SLC38A1: variants seen among roughly 807,000 people sequenced by gnomAD.
The protein encoded by SLC38A1 is solute carrier family 38 member 1, also known as sodium-coupled neutral amino acid symporter 1.
In SLC38A1, 18 loss-of-function variants were observed where a neutral mutation model predicts 60.3. That is an observed-to-expected ratio of 0.30 (90% CI 0.21 to 0.44). The LOEUF (loss-of-function observed/expected upper bound fraction) is 0.44, where lower values mean the gene tolerates loss of function less well. SLC38A1 is among the 20% of genes least tolerant of loss of function. The probability of loss-of-function intolerance (pLI) is 1.00; values close to 1 mark genes in which losing one functional copy is unlikely to be tolerated. For missense variants in SLC38A1, 448 were observed against 587.2 expected, an observed-to-expected ratio of 0.76 and a Z score of 2.45; for synonymous variants, 196 against 212.1, an observed-to-expected ratio of 0.92 and a Z score of 0.66.
chr12:46,252,547 A>T (rs1941886769), intron 1 of SLC38A1, among the ~76,000 whole-genome samples: 1 of 151,834 alleles, frequency 6.6e-6, no homozygotes, highest in African/African-American at 2.4e-5. Context: ...ATGCTAATTA[A>T]TTTATTTAAA....
chr12:46,226,602 A>G (rs1326337125), intron 5 of SLC38A1, among the ~76,000 whole-genome samples: 2 of 144,806 alleles, frequency 1.4e-5, no homozygotes, highest in African/African-American at 5.0e-5. Context: ...TCCCAAACTG[A>G]AGGTCATGGA....
intron 5 of SLC38A1, among the ~76,000 whole-genome samples, chr12:46,222,793 C>CAA (rs1272781281): frequency 1.3e-5 from 2 of 152,132 alleles, no homozygotes; most frequent in Non-Finnish European, 2.9e-5. Context: ...ACCCACATGA[C>CAA]AAATATGAAG....
chr12:46,244,349 C>CAAA (rs1483315107), intron 1 of SLC38A1, among the ~76,000 whole-genome samples: 1 of 152,222 alleles, frequency 6.6e-6, no homozygotes, highest in East Asian at 1.9e-4. Flanking sequence ...ATTGCTAACA[C>CAAA]TTTGTGGTGG....
intron 5 of SLC38A1, among the ~76,000 whole-genome samples, chr12:46,224,101 G>T (rs1006753909): frequency 3.3e-5 from 5 of 152,134 alleles, no homozygotes; most frequent in Admixed American, 6.5e-5. Context: ...AGATAAAGAG[G>T]AAGTTATGGT....
intron 16 of SLC38A1, chr12:46,196,422 G>A: frequency 1.7e-6 from 2 of 1,143,378 alleles, no homozygotes; most frequent in South Asian, 1.6e-5. Context: ...TTTCATTATG[G>A]GACCAGGGTT....
At chr12:46,217,881 G>A (rs913022744) in intron 5 of SLC38A1, among the ~76,000 whole-genome samples, 1 of 152,172 alleles carries the variant, frequency 6.6e-6, no homozygotes, top group Non-Finnish European at 1.5e-5. Context: ...TTCTTTCCTT[G>A]TAGGTAAATC....
At chr12:46,226,452 TG>T (rs1232261596) in intron 5 of SLC38A1, among the ~76,000 whole-genome samples, 2 of 151,916 alleles carry the variant, frequency 1.3e-5, no homozygotes, top group Non-Finnish European at 2.9e-5. Context: ...GGGGAAAAAT[TG>T]AGGACATATC....
At chr12:46,210,046 G>A (rs1940085797) in intron 5 of SLC38A1, among the ~76,000 whole-genome samples, 1 of 152,176 alleles carries the variant, frequency 6.6e-6, no homozygotes, top group African/African-American at 2.4e-5. Flanking sequence ...AGTCATGAAA[G>A]GCAATTATTT....
intron 16 of SLC38A1, among the ~76,000 whole-genome samples, chr12:46,191,770 A>G (rs1939155887): frequency 6.6e-6 from 1 of 152,172 alleles, no homozygotes; most frequent in African/African-American, 2.4e-5. Context: ...ATTTTTGCAC[A>G]TTGATTTTGT....
At position 46,253,535 on chromosome 12, in the gene SLC38A1, ACT is replaced by A. The variant is rs549981679; in HGVS notation, c.-208-10223_-208-10222del. ...GTAGCAGTGAGGACGACCAGAGGTCACTCTCATCACCATCTTGGTTTTGGTGG... is the reference window on the plus strand; with the variant it reads ...GTAGCAGTGAGGACGACCAGAGGTCACTCATCACCATCTTGGTTTTGGTGG... On this transcript the variant is annotated intron_variant, in intron 1 of 16. Transcript: ENST00000398637. 3.7e-3 allele frequency among the ~76,000 whole-genome samples: 561 copies of A among 152,284 alleles called. 3 individuals are homozygous for A. The highest frequency in any genetic ancestry group is 0.012 in the African/African-American group (518 of 41,560).
chr12:46,194,116 T>C (rs1461220900), intron 16 of SLC38A1, among the ~76,000 whole-genome samples: 1 of 152,250 alleles, frequency 6.6e-6, no homozygotes, highest in Non-Finnish European at 1.5e-5. Flanking sequence ...GGAGCTTTTG[T>C]AAGGCGAGCC....
chr12:46,200,362 AAT>A (rs992978223), intron 13 of SLC38A1, among the ~76,000 whole-genome samples: 26 of 152,018 alleles, frequency 1.7e-4, no homozygotes, highest in African/African-American at 5.8e-4. Context: ...AAGATTGTGA[AAT>A]ACATACATAT....
Position 46,185,105 on chromosome 12 carries a change from G to A in SLC38A1, c.*3865C>T, listed in dbSNP as rs1048776280. 6.6e-6 allele frequency: 1 copy of A among 152,184 alleles called. No individual in the cohort carries two copies. Among genetic ancestry groups the A allele is most frequent in the East Asian group, 1.9e-4 (1 of 5,186 alleles). 9.4% of individuals were successfully genotyped at this position (152,184 alleles called of 1,614,324 possible). On this transcript the variant is annotated 3_prime_UTR_variant, in exon 17 of 17. Transcript: ENST00000398637. ...GGGAGGACTAATGGGAAGTAAAAGGGAGACTCATTGGCTTAGGGTGGTTCT... is the reference window on the plus strand; with the variant it reads ...GGGAGGACTAATGGGAAGTAAAAGGAAGACTCATTGGCTTAGGGTGGTTCT...
intron 9 of SLC38A1, among the ~76,000 whole-genome samples, chr12:46,204,825 A>G (rs1406770299): frequency 6.6e-6 from 1 of 152,168 alleles, no homozygotes; most frequent in African/African-American, 2.4e-5. Flanking sequence ...GAATAGAAAC[A>G]TTATATTACG....
chr12:46,214,688 A>C (rs974955577), intron 5 of SLC38A1, among the ~76,000 whole-genome samples: 3 of 152,248 alleles, frequency 2.0e-5, no homozygotes, highest in Non-Finnish European at 2.9e-5. Flanking sequence ...AACAAACAAA[A>C]AAACAACCAA....
At chr12:46,220,554 G>A (rs1940618587) in intron 5 of SLC38A1, among the ~76,000 whole-genome samples, 1 of 152,164 alleles carries the variant, frequency 6.6e-6, no homozygotes, top group South Asian at 2.1e-4. Context: ...TATTTCCTAA[G>A]GAGGCAAAGA....
intron 5 of SLC38A1, among the ~76,000 whole-genome samples, chr12:46,214,607 T>G (rs1044058405): frequency 6.6e-6 from 1 of 152,266 alleles, no homozygotes; most frequent in Non-Finnish European, 1.5e-5. Context: ...ACAACTGTAT[T>G]TGGGTAAATT....
intron 1 of SLC38A1, among the ~76,000 whole-genome samples, chr12:46,253,825 A>G (rs951786322): frequency 5.3e-5 from 8 of 152,156 alleles, no homozygotes; most frequent in Non-Finnish European, 1.2e-4. Context: ...ATCCATCTTT[A>G]GTAACTTCTT....
intron 1 of SLC38A1, among the ~76,000 whole-genome samples, chr12:46,258,782 TA>T (rs1244390503): frequency 6.6e-6 from 1 of 152,216 alleles, no homozygotes; most frequent in African/African-American, 2.4e-5. Flanking sequence ...GCCTCCCGAG[TA>T]CCTGGAATTA....
Sources: gnomAD v4.1 joint callset for allele counts (sites outside exome capture counted in the v4.1 genomes callset) on GRCh38, gnomAD v4.1.1 for gene constraint, MANE v1.5 for transcripts, NCBI Gene and HGNC (gene_info 2026-07-23, HGNC 2026-07-21) for gene names.